Variants in MSRB3 observed in about 807,000 individuals in gnomAD.
MSRB3 encodes the protein methionine sulfoxide reductase B3, also known as methionine-R-sulfoxide reductase B3.
In MSRB3, 13 loss-of-function variants were observed where a neutral mutation model predicts 21.0. The observed-to-expected ratio is 0.62, with a 90% CI of 0.40 to 0.98. The LOEUF (loss-of-function observed/expected upper bound fraction) is 0.98, where lower values mean the gene tolerates loss of function less well. MSRB3 is among the 50% of genes least tolerant of loss of function. The pLI is 0.00. For missense variants in MSRB3, 199 were observed against 230.3 expected, an observed-to-expected ratio of 0.86 and a Z score of 0.88; for synonymous variants, 87 against 88.6, an observed-to-expected ratio of 0.98 and a Z score of 0.10.
intron 4 of MSRB3, among the ~76,000 whole-genome samples, chr12:65,355,404 T>A (rs185260333): frequency 3.3e-5 from 5 of 151,996 alleles, no homozygotes; most frequent in African/African-American, 1.2e-4. Flanking sequence ...TCAAACCAGA[T>A]AACTAACTCT....
At chr12:65,347,651 C>G (rs957335056) in intron 4 of MSRB3, among the ~76,000 whole-genome samples, 4 of 152,180 alleles carry the variant, frequency 2.6e-5, no homozygotes, top group Admixed American at 6.5e-5. Flanking sequence ...AGAGGGCATC[C>G]CTGTCTTGTG....
intron 5 of MSRB3, among the ~76,000 whole-genome samples, chr12:65,394,293 T>C (rs968979311): frequency 2.6e-5 from 4 of 152,142 alleles, no homozygotes; most frequent in Non-Finnish European, 5.9e-5. Context: ...AAAATAAAAC[T>C]AACACATTCA....
At position 65,350,529 on chromosome 12, in the gene MSRB3, G is replaced by A. The variant is rs1391221900; in HGVS notation, c.264-18469G>A. On this transcript the variant is annotated intron_variant, in intron 4 of 6. Coordinates refer to ENST00000308259, the MANE Select transcript of MSRB3 (RefSeq NM_001031679.3). Reference sequence around the variant, plus strand: ...GACACAGACTGGCAAATTGGATAAAGAGTCAAGACCCATCAGTGTGCTGTA... The same window carrying A: ...GACACAGACTGGCAAATTGGATAAAAAGTCAAGACCCATCAGTGTGCTGTA... 5.9e-5 allele frequency among the ~76,000 whole-genome samples: 9 copies of A among 151,318 alleles called. 2 individuals are homozygous for A. Among genetic ancestry groups the A allele is most frequent in the Admixed American group, 5.9e-4 (9 of 15,200 alleles).
intron 5 of MSRB3, among the ~76,000 whole-genome samples, chr12:65,438,686 C>G (rs976953960): frequency 2.0e-5 from 3 of 151,660 alleles, no homozygotes; most frequent in African/African-American, 7.3e-5. Flanking sequence ...TTTCCAAAGG[C>G]TTTATTTTAC....
At chr12:65,437,200 G>A (rs1438685077) in intron 5 of MSRB3, among the ~76,000 whole-genome samples, 1 of 151,830 alleles carries the variant, frequency 6.6e-6, no homozygotes, top group Non-Finnish European at 1.5e-5. Context: ...CAAAAAGCAT[G>A]ATGGCAGGAT....
intron 1 of MSRB3, chr12:65,305,025 T>A (rs2136417680): frequency 6.6e-6 from 1 of 152,256 alleles, no homozygotes; most frequent in East Asian, 1.9e-4. Context: ...TCTGAGAATG[T>A]CAAGGGAGAG....
intron 5 of MSRB3, among the ~76,000 whole-genome samples, chr12:65,425,800 A>G (rs2136653720): frequency 6.6e-6 from 1 of 152,282 alleles, no homozygotes; most frequent in Middle Eastern, 3.4e-3. Flanking sequence ...ATTACATTAT[A>G]AAAGTATCCT....
chr12:65,432,721 C>A (rs538872724), intron 5 of MSRB3, among the ~76,000 whole-genome samples: 59 of 151,866 alleles, frequency 3.9e-4, no homozygotes, highest in African/African-American at 1.4e-3. Context: ...CAGATCTGTA[C>A]CAGTCAGAGA....
chr12:65,313,454 T>G (rs1226123765), intron 2 of MSRB3, among the ~76,000 whole-genome samples: 2 of 152,118 alleles, frequency 1.3e-5, no homozygotes, highest in African/African-American at 2.4e-5. Context: ...ACCTACATAG[T>G]GCTTTGATAA....
intron 5 of MSRB3, among the ~76,000 whole-genome samples, chr12:65,375,164 T>G (rs1202246527): frequency 6.6e-6 from 1 of 152,062 alleles, no homozygotes; most frequent in African/African-American, 2.4e-5. Context: ...CTTTCTTGAT[T>G]GAATAGAATC....
chr12:65,408,373 G>A (rs193203077), intron 5 of MSRB3, among the ~76,000 whole-genome samples: 18 of 152,240 alleles, frequency 1.2e-4, no homozygotes, highest in African/African-American at 4.1e-4. Context: ...GATTACAGGC[G>A]TGAGCCACCG....
At chr12:65,403,216 C>T (rs1880227843) in intron 5 of MSRB3, among the ~76,000 whole-genome samples, 1 of 152,208 alleles carries the variant, frequency 6.6e-6, no homozygotes, top group Admixed American at 6.5e-5. Flanking sequence ...CAGCTCCTTC[C>T]CCCAGGTGCT....
intron 5 of MSRB3, among the ~76,000 whole-genome samples, chr12:65,379,421 A>G (rs373847075): frequency 1.4e-4 from 21 of 152,318 alleles, no homozygotes; most frequent in African/African-American, 5.1e-4. Flanking sequence ...TGGTTTAACA[A>G]ATCATGTCAG....
chr12:65,420,007 C>T (rs994065637), intron 5 of MSRB3: 8 of 560,444 alleles, frequency 1.4e-5, no homozygotes, highest in East Asian at 4.8e-5. Flanking sequence ...CAAGGTGGAG[C>T]GAGTGGTGAA....
intron 2 of MSRB3, among the ~76,000 whole-genome samples, chr12:65,313,570 T>C (rs1370942): frequency 0.87 from 131,482 of 151,982 alleles, 57,009 homozygotes; most frequent in Non-Finnish European, 0.9. Flanking sequence ...TCAAAGGGGG[T>C]TCTTTGACCA....
At chr12:65,386,458 C>T (rs1879200321) in intron 5 of MSRB3, among the ~76,000 whole-genome samples, 1 of 151,698 alleles carries the variant, frequency 6.6e-6, no homozygotes, top group Non-Finnish European at 1.5e-5. Context: ...TATAGGTATG[C>T]TTTAAATTTA....
At chr12:65,386,415 G>A (rs1050600303) in intron 5 of MSRB3, among the ~76,000 whole-genome samples, 1 of 151,792 alleles carries the variant, frequency 6.6e-6, no homozygotes, top group Non-Finnish European at 1.5e-5. Context: ...CATTAAGGGT[G>A]GACTCTTTTT....
At chr12:65,427,408 T>C (rs1040783224) in intron 5 of MSRB3, among the ~76,000 whole-genome samples, 1 of 152,184 alleles carries the variant, frequency 6.6e-6, no homozygotes, top group Non-Finnish European at 1.5e-5. Context: ...CAGTGAGGAT[T>C]GTCCACAGTG....
intron 2 of MSRB3, among the ~76,000 whole-genome samples, chr12:65,310,857 C>G (rs1873942538): frequency 6.6e-6 from 1 of 152,160 alleles, no homozygotes; most frequent in Admixed American, 6.5e-5. Context: ...TAGCTGTGTG[C>G]CTTAGCTTCC....
Sources: gnomAD v4.1 joint callset for allele counts (sites outside exome capture counted in the v4.1 genomes callset) on GRCh38, gnomAD v4.1.1 for gene constraint, MANE v1.5 for transcripts, NCBI Gene and HGNC (gene_info 2026-07-23, HGNC 2026-07-21) for gene names.